NXPH1: variants seen among roughly 807,000 people sequenced by gnomAD.
NXPH1 encodes the protein neurexophilin-1.
In NXPH1, 5 loss-of-function variants were observed where a neutral mutation model predicts 23.7. The ratio of observed to expected loss-of-function variants is 0.21; its 90% CI spans 0.11 to 0.44. NXPH1 has a LOEUF of 0.44. NXPH1 is among the 20% of genes least tolerant of loss of function. NXPH1 has a pLI of 0.99. For synonymous variants in NXPH1, 144 were observed against 122.2 expected (o/e 1.18, Z -1.18); for missense variants, 324 against 321.6 (o/e 1.01, Z -0.06).
intron 2 of NXPH1, among the ~76,000 whole-genome samples, chr7:8,727,968 G>A (rs1245449480): frequency 6.6e-6 from 1 of 151,576 alleles, no homozygotes; most frequent in Non-Finnish European, 1.5e-5. Context: ...TCCTACCCAT[G>A]AGCATGGAAT....
chr7:8,462,362 T>C (rs1816710276), intron 2 of NXPH1, among the ~76,000 whole-genome samples: 1 of 152,242 alleles, frequency 6.6e-6, no homozygotes, highest in Admixed American at 6.5e-5. Context: ...TTATAATTTA[T>C]AAATATTTTA....
At chr7:8,450,023 T>A (rs1816477602) in intron 2 of NXPH1, among the ~76,000 whole-genome samples, 1 of 152,192 alleles carries the variant, frequency 6.6e-6, no homozygotes. Context: ...TGAAAAATGA[T>A]CCCTGGGTCT....
intron 2 of NXPH1, among the ~76,000 whole-genome samples, chr7:8,654,675 C>G (rs1394871025): frequency 6.6e-6 from 1 of 152,180 alleles, no homozygotes; most frequent in Non-Finnish European, 1.5e-5. Flanking sequence ...GTCTTTGCAT[C>G]CTCACTCAAG....
chr7:8,577,052 A>G (rs1163613976), intron 2 of NXPH1, among the ~76,000 whole-genome samples: 2 of 152,284 alleles, frequency 1.3e-5, no homozygotes, highest in Non-Finnish European at 2.9e-5. Flanking sequence ...TAATGTTATT[A>G]TTAGAACATT....
chr7:8,654,279 A>G (rs752033738), intron 2 of NXPH1, among the ~76,000 whole-genome samples: 1 of 152,044 alleles, frequency 6.6e-6, no homozygotes, highest in Non-Finnish European at 1.5e-5. Flanking sequence ...GATTCCAACT[A>G]GTATTTATGT....
chr7:8,452,733 G>A lies in NXPH1; in HGVS notation c.54+16966G>A, dbSNP rs530119519. Among the ~76,000 whole-genome samples, 4 of 152,220 alleles carry A rather than the reference G, an allele frequency of 2.6e-5. No homozygotes were observed. In the South Asian group the frequency reaches 6.2e-4, roughly 24 times the overall value. ...GTGGGCATCCTAAAGACATATCTCA[G>A]TTTTCCTAAATTTCTTAGGATTATA... On this transcript the variant is annotated intron_variant, in intron 2 of 2. Transcript: ENST00000405863.
At chr7:8,642,343 A>C (rs74527048) in intron 2 of NXPH1, among the ~76,000 whole-genome samples, 9,952 of 152,186 alleles carry the variant, frequency 0.065, 491 homozygotes, top group East Asian at 0.17. Context: ...TGATGCCATT[A>C]TCATTTCGAA....
chr7:8,728,477 G>A (rs1405598223), intron 2 of NXPH1, among the ~76,000 whole-genome samples: 1 of 152,154 alleles, frequency 6.6e-6, no homozygotes, highest in African/African-American at 2.4e-5. Flanking sequence ...CTGTGGGTTT[G>A]TCATAGATAG....
intron 2 of NXPH1, among the ~76,000 whole-genome samples, chr7:8,598,755 G>A (rs1001530911): frequency 2.0e-5 from 3 of 152,084 alleles, no homozygotes; most frequent in African/African-American, 7.2e-5. Flanking sequence ...AAATATTTCT[G>A]TAAAGAAACA....
chr7:8,707,963 C>T (rs1238010251), intron 2 of NXPH1, among the ~76,000 whole-genome samples: 2 of 151,750 alleles, frequency 1.3e-5, no homozygotes, highest in Non-Finnish European at 2.9e-5. Context: ...TGAAAATGAT[C>T]AATGCTTAAA....
At chr7:8,485,523 C>T (rs1817144794) in intron 2 of NXPH1, among the ~76,000 whole-genome samples, 1 of 152,048 alleles carries the variant, frequency 6.6e-6, no homozygotes, top group African/African-American at 2.4e-5. Flanking sequence ...TTTCCTCACT[C>T]CACAGAAGGA....
chr7:8,658,941 G>A (rs1211113350), intron 2 of NXPH1, among the ~76,000 whole-genome samples: 1 of 151,886 alleles, frequency 6.6e-6, no homozygotes, highest in African/African-American at 2.4e-5. Context: ...ATATTTAAAT[G>A]CTGTGATTTA....
chr7:8,690,273 G>A (rs1006198656), intron 2 of NXPH1: 3 of 152,202 alleles, frequency 2.0e-5, no homozygotes, highest in African/African-American at 7.2e-5. Flanking sequence ...CCTCTTTTGA[G>A]CACTGAAGAC....
chr7:8,642,690 G>A lies in NXPH1; in HGVS notation c.55-108318G>A, dbSNP rs78033348. 1.0e-3 allele frequency among the ~76,000 whole-genome samples: 155 copies of A among 151,200 alleles called. No individual in the cohort carries two copies. In the East Asian group the frequency reaches 0.025, roughly 24 times the overall value. On this transcript the variant is annotated intron_variant, in intron 2 of 2. Transcript: ENST00000405863. ...ATAAATAATGACTTTTTATCTATTC[G>A]TCCATATTTTCATATTCCTTATTTT... is the stretch of plus-strand genomic sequence containing the variant.
Position 8,751,083 on chromosome 7 carries a change from C to A in NXPH1, c.130C>A (p.His44Asn). ...AGGAAGCAGCAAATCCACACTAAAG[C>A]ACATATGGACAGAAAGCAGCAAAGA... ...KSGSSKSTLK[H>N]IWTESSKDLS... Residue 44 changes from histidine (H) to asparagine (N), a missense_variant, in exon 3 of 3, where the codon CAC becomes AAC. By Grantham distance (68) the His-to-Asn change is moderately conservative. Transcript: ENST00000405863. This position sits in a 1 kb window ranked among gnomAD's most constrained non-coding sequence, Gnocchi z 4.5. 6.2e-7 allele frequency: 1 copy of A among 1,613,806 alleles called. No homozygotes were observed. Among genetic ancestry groups the A allele is most frequent in the Non-Finnish European group, 8.5e-7 (1 of 1,179,782 alleles).
chr7:8,507,770 C>T (rs897742499), intron 2 of NXPH1, among the ~76,000 whole-genome samples: 6 of 152,098 alleles, frequency 3.9e-5, no homozygotes, highest in Non-Finnish European at 4.4e-5. Flanking sequence ...CTCCCCTCCT[C>T]ACAGGAGAAA....
chr7:8,572,485 A>G (rs10238726), intron 2 of NXPH1, among the ~76,000 whole-genome samples: 65,766 of 151,756 alleles, frequency 0.43, 16,637 homozygotes, highest in African/African-American at 0.72. Flanking sequence ...TTAGCACCTC[A>G]TTCTATAATC....
At chr7:8,640,502 G>T (rs1395851992) in intron 2 of NXPH1, among the ~76,000 whole-genome samples, 1 of 151,542 alleles carries the variant, frequency 6.6e-6, no homozygotes, top group African/African-American at 2.4e-5. Context: ...TCTGTATCCT[G>T]TACTTCTTTA....
chr7:8,751,873 C>T lies in NXPH1; in HGVS notation c.*104C>T, dbSNP rs189108272. 72 of 1,093,044 alleles carry T rather than the reference C, an allele frequency of 6.6e-5. No individual in the cohort carries two copies. The East Asian group carries it at 1.3e-3, about 19-fold the overall frequency. The allele number at this position is 1,093,044 out of a possible 1,614,324, so 67.7% of individuals were successfully genotyped here. On this transcript the variant is annotated 3_prime_UTR_variant, in exon 3 of 3. Transcript: ENST00000405863. This position sits in a 1 kb window ranked among gnomAD's most constrained non-coding sequence, Gnocchi z 4.5. ...ACATCTGTTGCCTGGAATGTGTCTA[C>T]ACTGCTGCTCTTGTCAACTGGCTGC... is the stretch of plus-strand genomic sequence containing the variant.
Sources: allele counts gnomAD v4.1 joint callset (sites outside exome capture counted in the v4.1 genomes callset), GRCh38; gene constraint gnomAD v4.1.1; non-coding constraint Gnocchi (gnomAD v3.1); transcripts MANE v1.5; gene names NCBI Gene and HGNC (gene_info 2026-07-23, HGNC 2026-07-21).